CNTN4: variants seen among roughly 807,000 people sequenced by gnomAD.
CNTN4 encodes contactin-4.
A neutral mutation model predicts 122.5 loss-of-function variants in CNTN4; 77 were observed. The observed-to-expected ratio is 0.63, with a 90% CI of 0.52 to 0.76. The LOEUF is 0.76. Ranked by LOEUF, CNTN4 falls within the 30% of genes least tolerant of loss-of-function variation. CNTN4 has a pLI of 0.00. For synonymous variants in CNTN4, 512 were observed against 447.0 expected (o/e 1.15, Z -1.83); for missense variants, 1,256 against 1,259.1 (o/e 1.00, Z 0.04).
chr3:2,122,554 C>T (rs550005537), intron 2 of CNTN4, among the ~76,000 whole-genome samples: 1 of 152,124 alleles, frequency 6.6e-6, no homozygotes, highest in Non-Finnish European at 1.5e-5. Flanking sequence ...CAGACTCTTG[C>T]TATGATAAAC....
chr3:2,761,909 T>C (rs535585318), intron 6 of CNTN4, among the ~76,000 whole-genome samples: 1 of 152,180 alleles, frequency 6.6e-6, no homozygotes, highest in South Asian at 2.1e-4. Context: ...TGGGCAAATG[T>C]GCTGTAAAAA....
chr3:2,121,747 A>G (rs933636191), intron 2 of CNTN4, among the ~76,000 whole-genome samples: 1 of 152,226 alleles, frequency 6.6e-6, no homozygotes, highest in African/African-American at 2.4e-5. Context: ...ATAATTTGAA[A>G]GAAAAAATGT....
intron 3 of CNTN4, among the ~76,000 whole-genome samples, chr3:2,555,045 C>A (rs1479182666): frequency 6.6e-6 from 1 of 152,188 alleles, no homozygotes; most frequent in Non-Finnish European, 1.5e-5. Context: ...TTCCCCAGAA[C>A]ACATGTGACC....
chr3:2,133,263 T>C (rs2034534418), intron 2 of CNTN4, among the ~76,000 whole-genome samples: 2 of 152,182 alleles, frequency 1.3e-5, no homozygotes, highest in Non-Finnish European at 2.9e-5. Flanking sequence ...CTTTATGTTA[T>C]AGTTGTTTAG....
At position 2,888,514 on chromosome 3, in the gene CNTN4, G is replaced by T. The variant is rs2094002998; in HGVS notation, c.940+1290G>T. Among the ~76,000 whole-genome samples the T allele has an allele frequency of 3.3e-5, 5 of 152,042 alleles. No homozygotes were observed. The South Asian group carries it at 1.0e-3, about 32-fold the overall frequency. On this transcript the variant is annotated intron_variant, in intron 10 of 24. Coordinates refer to ENST00000418658, the MANE Select transcript of CNTN4 (RefSeq NM_175607.3). ...CTCTGGTCTACCTTTTGACATCACA[G>T]GGCCAAAACCTCCACCCTCAGATGC...
chr3:3,033,216 G>C (rs1409448513), intron 16 of CNTN4, among the ~76,000 whole-genome samples: 1 of 152,142 alleles, frequency 6.6e-6, no homozygotes, highest in African/African-American at 2.4e-5. Flanking sequence ...ACTTTATCTG[G>C]TTAAAAGGGG....
chr3:2,776,243 T>C (rs1460290669), intron 6 of CNTN4, among the ~76,000 whole-genome samples: 1 of 151,100 alleles, frequency 6.6e-6, no homozygotes, highest in African/African-American at 2.4e-5. Flanking sequence ...TGGTGAATAG[T>C]TAACAGCAAT....
At chr3:2,210,375 C>T (rs188703945) in intron 2 of CNTN4, among the ~76,000 whole-genome samples, 463 of 152,228 alleles carry the variant, frequency 3.0e-3, no homozygotes, top group African/African-American at 0.011. Context: ...GGTGACAGCA[C>T]GCTGCACCAT....
intron 3 of CNTN4, among the ~76,000 whole-genome samples, chr3:2,433,898 G>T (rs2048168080): frequency 6.6e-6 from 1 of 152,112 alleles, no homozygotes; most frequent in Non-Finnish European, 1.5e-5. Context: ...ATTGAAATAA[G>T]CCAGGCGCAG....
At chr3:2,756,160 A>G (rs2090327891) in intron 6 of CNTN4, among the ~76,000 whole-genome samples, 1 of 152,230 alleles carries the variant, frequency 6.6e-6, no homozygotes, top group African/African-American at 2.4e-5. Flanking sequence ...TGGTTAAGTC[A>G]GAATCTAATT....
intron 3 of CNTN4, among the ~76,000 whole-genome samples, chr3:2,454,653 CA>C (rs1559566557): frequency 2.4e-5 from 1 of 41,496 alleles, no homozygotes; most frequent in Non-Finnish European, 6.3e-5. Context: ...CCTGTTGTTA[CA>C]TGGCAAGAGT....
At chr3:2,819,006 A>C (rs2092804127) in intron 6 of CNTN4, among the ~76,000 whole-genome samples, 1 of 152,238 alleles carries the variant, frequency 6.6e-6, no homozygotes, top group African/African-American at 2.4e-5. Flanking sequence ...GTATCAGAAA[A>C]CAAGAGTTTG....
rs1295955045 is a variant in CNTN4 at position 3,005,194 on chromosome 3, T to C, written c.1486+16722T>C. Among the ~76,000 whole-genome samples the C allele has an allele frequency of 2.6e-5, 4 of 152,334 alleles. No individual in the cohort carries two copies. The East Asian group carries it at 5.8e-4, about 22-fold the overall frequency. On this transcript the variant is annotated intron_variant, in intron 14 of 24. Transcript: ENST00000418658. ...TCAGTGATTCACACCGAGGCTAATC[T>C]CCTTACCCAAAAATCACTTGGCCAC... is the stretch of plus-strand genomic sequence containing the variant.
In CNTN4 at chr3:2,340,685, TTATATA is replaced by T. The variant is rs373402290; in HGVS notation, c.-89+1473_-89+1478del. The stretch of plus-strand genomic sequence containing the variant: ...ACAGAGCAAGACCTTGTCATAAATT[TTATATA>T]TATATATATATATATATATAGAGAG... On this transcript the variant is annotated intron_variant, in intron 3 of 24. Coordinates refer to ENST00000418658, the MANE Select transcript of CNTN4 (RefSeq NM_175607.3). Among the ~76,000 whole-genome samples the T allele has an allele frequency of 1.3e-3, 38 of 29,598 alleles. 3 individuals carry two copies. The highest frequency in any genetic ancestry group is 7.5e-3 in the East Asian group (6 of 804). The allele number at this position is 29,598 out of a possible 152,430, so 19.4% of individuals were successfully genotyped here.
rs140362188 is a variant in CNTN4 at position 2,544,160 on chromosome 3, G to A, written c.-88-27256G>A. Among the ~76,000 whole-genome samples the A allele has an allele frequency of 3.3e-5, 5 of 152,154 alleles. No homozygotes were observed. In the South Asian group the frequency reaches 6.2e-4, roughly 19 times the overall value. On this transcript the variant is annotated intron_variant, in intron 3 of 24. Coordinates refer to ENST00000418658, the MANE Select transcript of CNTN4 (RefSeq NM_175607.3). ...AAATTAAATCTTTCTCAGACCCCAC[G>A]TGCCAATATTCATGATTGTCCCATG...
At chr3:2,355,550 C>G (rs987539983) in intron 3 of CNTN4, among the ~76,000 whole-genome samples, 4 of 152,210 alleles carry the variant, frequency 2.6e-5, no homozygotes, top group Admixed American at 2.6e-4. Context: ...GGACCTATTT[C>G]AGGGACCCTG....
intron 4 of CNTN4, among the ~76,000 whole-genome samples, chr3:2,608,990 G>A (rs1331364268): frequency 6.6e-6 from 1 of 152,178 alleles, no homozygotes; most frequent in Non-Finnish European, 1.5e-5. Flanking sequence ...CTGGAGAAAG[G>A]ATAATCAACA....
At chr3:2,216,686 T>C (rs1394870160) in intron 2 of CNTN4, among the ~76,000 whole-genome samples, 1 of 152,200 alleles carries the variant, frequency 6.6e-6, no homozygotes, top group Non-Finnish European at 1.5e-5. Flanking sequence ...GTGTTACTTT[T>C]ATAATGGAAA....
intron 3 of CNTN4, among the ~76,000 whole-genome samples, chr3:2,444,617 A>G (rs563919194): frequency 2.2e-4 from 34 of 152,226 alleles, no homozygotes; most frequent in African/African-American, 8.2e-4. Flanking sequence ...ATTTTTTTCT[A>G]ATTTAAGTGG....
Sources: allele counts gnomAD v4.1 joint callset (sites outside exome capture counted in the v4.1 genomes callset), GRCh38; gene constraint gnomAD v4.1.1; transcripts MANE v1.5; gene names NCBI Gene and HGNC (gene_info 2026-07-23, HGNC 2026-07-21).